Variants in XKR9 observed in about 807,000 individuals in gnomAD.
The protein encoded by XKR9 is XK related 9, also known as XK-related protein 9.
Under a neutral mutation model 32.0 loss-of-function variants are expected in XKR9, and 32 were observed. That is an observed-to-expected ratio of 1.00 (90% CI 0.76 to 1.34). The LOEUF (loss-of-function observed/expected upper bound fraction) is 1.34. Ranked by LOEUF, XKR9 falls within the 40% of genes most tolerant of loss-of-function variation. The probability of loss-of-function intolerance (pLI) is 0.00; values close to 1 mark genes in which losing one functional copy is unlikely to be tolerated. For synonymous variants in XKR9, 168 were observed against 143.4 expected (o/e 1.17, Z -1.22); for missense variants, 546 against 429.7 (o/e 1.27, Z -2.39).
chr8:70,854,102 A>G, the XKR9 span, among the ~76,000 whole-genome samples: 4 of 152,192 alleles, frequency 2.6e-5, no homozygotes, highest in African/African-American at 9.7e-5. Context: ...GAATCGCCAC[A>G]CTGACTTCCA....
chr8:71,015,095 G>C, the XKR9 span, among the ~76,000 whole-genome samples: 1 of 152,254 alleles, frequency 6.6e-6, no homozygotes, highest in Non-Finnish European at 1.5e-5. Context: ...CTTGCAAAGT[G>C]GTTCGTTTTG....
At chr8:70,808,370 C>T in the XKR9 span, among the ~76,000 whole-genome samples, 5 of 152,238 alleles carry the variant, frequency 3.3e-5, no homozygotes, top group South Asian at 4.2e-4. Context: ...CCAGCATGAG[C>T]GATGCAGAAG....
the XKR9 span, among the ~76,000 whole-genome samples, chr8:71,038,732 G>T: frequency 7.6e-6 from 1 of 131,634 alleles, no homozygotes. Context: ...AATTGTCCTA[G>T]CTCATGTTCT....
the XKR9 span, among the ~76,000 whole-genome samples, chr8:70,821,859 G>T: frequency 2.0e-5 from 3 of 152,196 alleles, no homozygotes; most frequent in East Asian, 5.8e-4. Flanking sequence ...TGTGATGGGA[G>T]GGGCTGCCGT....
chr8:70,730,702 A>G (rs962707265), intron 4 of XKR9, among the ~76,000 whole-genome samples: 3 of 152,172 alleles, frequency 2.0e-5, no homozygotes, highest in Admixed American at 1.3e-4. Flanking sequence ...AGTTACACAA[A>G]TAATAAACCA....
the XKR9 span, among the ~76,000 whole-genome samples, chr8:70,807,999 CCT>C: frequency 1.3e-5 from 2 of 152,084 alleles, no homozygotes; most frequent in Non-Finnish European, 2.9e-5. Flanking sequence ...CTAAAATCAA[CCT>C]CATAATTGGA....
rs530197488 is a variant in XKR9, at chr8:70,745,483, T to A, written n.352+38330T>A. ...TCATAGACTAGTGGTTCTCAACCTT[T>A]AGTGTGCATCAGAATCTCCTGGAGT... On this transcript the variant is annotated intron_variant and non_coding_transcript_variant, in intron 2 of 3. Transcript: ENST00000520273. 2.8e-3 allele frequency among the ~76,000 whole-genome samples: 425 copies of A among 152,358 alleles called. 5 individuals are homozygous for A. Among genetic ancestry groups the A allele is most frequent in the African/African-American group, 9.7e-3 (404 of 41,588 alleles).
chr8:70,969,591 A>G, the XKR9 span, among the ~76,000 whole-genome samples: 1 of 152,166 alleles, frequency 6.6e-6, no homozygotes, highest in East Asian at 1.9e-4. Context: ...ATCTAATTTG[A>G]TGAAAGTCAT....
At chr8:70,815,139 T>G in the XKR9 span, among the ~76,000 whole-genome samples, 1 of 151,612 alleles carries the variant, frequency 6.6e-6, no homozygotes, top group Non-Finnish European at 1.5e-5. Context: ...AGAAGAATTT[T>G]TTTACATTGT....
intron 2 of XKR9, among the ~76,000 whole-genome samples, chr8:70,750,289 C>T (rs1807120629): frequency 6.6e-6 from 1 of 152,128 alleles, no homozygotes; most frequent in Admixed American, 6.5e-5. Flanking sequence ...TTTCTATTAG[C>T]AGCAGAATAC....
chr8:70,728,403 TACTC>T (rs1482553820), intron 4 of XKR9, among the ~76,000 whole-genome samples: 5 of 152,206 alleles, frequency 3.3e-5, no homozygotes, highest in Admixed American at 2.0e-4. Context: ...TGTCTGATCA[TACTC>T]ACACAGGGCA....
At chr8:70,791,367 A>G (rs74304811), downstream of XKR9, among the ~76,000 whole-genome samples, 81 of 152,110 alleles carry the variant, frequency 5.3e-4, 1 homozygote, top group East Asian at 0.015. Flanking sequence ...TTAGCAGTAC[A>G]CAAAGTATGG....
chr8:70,803,142 T>C, the XKR9 span, among the ~76,000 whole-genome samples: 2 of 152,192 alleles, frequency 1.3e-5, no homozygotes, highest in Admixed American at 6.5e-5. Flanking sequence ...AGAGGTTTTT[T>C]CATTTTCCTT....
intron 3 of XKR9, among the ~76,000 whole-genome samples, chr8:70,698,521 C>T (rs1015190120): frequency 1.3e-5 from 2 of 152,252 alleles, no homozygotes; most frequent in East Asian, 3.9e-4. Flanking sequence ...ATCCTGAGTT[C>T]TAGTTTGATT....
the XKR9 span, among the ~76,000 whole-genome samples, chr8:70,958,418 CATT>C: frequency 6.6e-6 from 1 of 152,174 alleles, no homozygotes; most frequent in Non-Finnish European, 1.5e-5. Context: ...GATGGTATCT[CATT>C]GTTGTTCTGA....
chr8:70,942,815 T>C, the XKR9 span, among the ~76,000 whole-genome samples: 1 of 152,144 alleles, frequency 6.6e-6, no homozygotes, highest in Non-Finnish European at 1.5e-5. Flanking sequence ...AAGCTCTTAA[T>C]TACTAGATGT....
chr8:70,980,950 A>C, the XKR9 span, among the ~76,000 whole-genome samples: 2 of 152,206 alleles, frequency 1.3e-5, no homozygotes, highest in African/African-American at 4.8e-5. Context: ...TCATTTAAGG[A>C]GGCTAAAAAT....
chr8:71,008,727 T>G, the XKR9 span, among the ~76,000 whole-genome samples: 2 of 152,162 alleles, frequency 1.3e-5, no homozygotes, highest in Non-Finnish European at 2.9e-5. Flanking sequence ...CCTGAGCTCA[T>G]GCAATCCTTC....
intron 2 of XKR9, among the ~76,000 whole-genome samples, chr8:70,779,292 G>A (rs917436553): frequency 6.6e-6 from 1 of 152,140 alleles, no homozygotes; most frequent in Non-Finnish European, 1.5e-5. Context: ...TGCATATCAG[G>A]GATGAAGCCA....
Sources: allele counts gnomAD v4.1 joint callset (sites outside exome capture counted in the v4.1 genomes callset), GRCh38; gene constraint gnomAD v4.1.1; transcripts MANE v1.5; gene names NCBI Gene and HGNC (gene_info 2026-07-23, HGNC 2026-07-21).